IMMP2L: variants seen among roughly 807,000 people sequenced by gnomAD.
IMMP2L encodes inner mitochondrial membrane peptidase subunit 2.
A neutral mutation model predicts 19.3 loss-of-function variants in IMMP2L; 18 were observed. The ratio of observed to expected loss-of-function variants is 0.93; its 90% CI spans 0.64 to 1.38. IMMP2L has a LOEUF of 1.38. Ranked by LOEUF, IMMP2L falls within the 40% of genes most tolerant of loss-of-function variation. The probability of loss-of-function intolerance (pLI) is 0.00; values close to 1 mark genes in which losing one functional copy is unlikely to be tolerated. For synonymous variants in IMMP2L, 76 were observed against 73.0 expected, an observed-to-expected ratio of 1.04 and a Z score of -0.21; for missense variants, 233 against 218.2, an observed-to-expected ratio of 1.07 and a Z score of -0.43.
intron 2 of IMMP2L, among the ~76,000 whole-genome samples, chr7:111,515,665 C>A (rs1422674132): frequency 6.6e-6 from 1 of 152,198 alleles, no homozygotes; most frequent in Non-Finnish European, 1.5e-5. Context: ...GAGTTTTGCA[C>A]TGGGAATATT....
At chr7:111,084,864 G>A (rs1157580472) in intron 3 of IMMP2L, among the ~76,000 whole-genome samples, 1 of 152,180 alleles carries the variant, frequency 6.6e-6, no homozygotes, top group East Asian at 1.9e-4. Flanking sequence ...AACTTAATGT[G>A]AGGAGAACAG....
chr7:111,501,082 T>A (rs1247911787), intron 2 of IMMP2L, among the ~76,000 whole-genome samples: 1 of 151,682 alleles, frequency 6.6e-6, no homozygotes, highest in Non-Finnish European at 1.5e-5. Flanking sequence ...TGAAAAAAAA[T>A]TAGACGAATG....
chr7:110,686,652 C>G (rs571140576), intron 5 of IMMP2L, among the ~76,000 whole-genome samples: 2 of 152,028 alleles, frequency 1.3e-5, no homozygotes, highest in Non-Finnish European at 2.9e-5. Context: ...AGAGTTCTGT[C>G]TTTGCTTCAC....
At chr7:111,290,747 T>G (rs2129650887) in intron 3 of IMMP2L, among the ~76,000 whole-genome samples, 1 of 151,944 alleles carries the variant, frequency 6.6e-6, no homozygotes, top group Admixed American at 6.6e-5. Flanking sequence ...TTTTTGTGCT[T>G]CATGTTTTCT....
chr7:110,890,987 A>T (rs1473426649), intron 4 of IMMP2L, among the ~76,000 whole-genome samples: 2 of 151,864 alleles, frequency 1.3e-5, no homozygotes, highest in Non-Finnish European at 2.9e-5. Flanking sequence ...ACACACACAC[A>T]CTCTTAAGTA....
intron 4 of IMMP2L, among the ~76,000 whole-genome samples, chr7:110,907,574 C>G (rs1000958939): frequency 6.6e-6 from 1 of 152,068 alleles, no homozygotes; most frequent in Admixed American, 6.5e-5. Flanking sequence ...TAAGTTCTCA[C>G]TTTGGGCTGT....
intron 3 of IMMP2L, among the ~76,000 whole-genome samples, chr7:111,108,814 T>C (rs1405777631): frequency 1.3e-5 from 2 of 152,160 alleles, no homozygotes; most frequent in African/African-American, 2.4e-5. Flanking sequence ...GAGTACCTCG[T>C]ACAGCAAATT....
intron 3 of IMMP2L, among the ~76,000 whole-genome samples, chr7:111,311,057 T>A (rs1823462823): frequency 6.6e-6 from 1 of 152,148 alleles, no homozygotes; most frequent in Admixed American, 6.6e-5. Context: ...TGCTTTTGAT[T>A]TGCTCTCCTG....
intron 3 of IMMP2L, among the ~76,000 whole-genome samples, chr7:111,331,071 T>C (rs1174304958): frequency 6.6e-6 from 1 of 151,940 alleles, no homozygotes; most frequent in Non-Finnish European, 1.5e-5. Flanking sequence ...GCAATCCCAC[T>C]TCTGGGTGTT....
chr7:110,680,958 C>T (rs1393510715), intron 5 of IMMP2L, among the ~76,000 whole-genome samples: 2 of 152,042 alleles, frequency 1.3e-5, no homozygotes, highest in South Asian at 2.1e-4. Flanking sequence ...GTGTTCCTAG[C>T]TGTGAAATTC....
chr7:110,748,505 A>C (rs1442307351), intron 5 of IMMP2L, among the ~76,000 whole-genome samples: 1 of 152,226 alleles, frequency 6.6e-6, no homozygotes, highest in Admixed American at 6.5e-5. Context: ...ACTACATTAC[A>C]AGGCTACAGT....
At chr7:110,695,328 A>G (rs1377864107) in intron 5 of IMMP2L, among the ~76,000 whole-genome samples, 5 of 151,954 alleles carry the variant, frequency 3.3e-5, no homozygotes, top group South Asian at 4.2e-4. Context: ...AGTGGCTGGG[A>G]TCATATGTGA....
intron 4 of IMMP2L, among the ~76,000 whole-genome samples, chr7:110,910,018 GA>G (rs1415765595): frequency 2.6e-5 from 4 of 151,590 alleles, no homozygotes; most frequent in Admixed American, 2.6e-4. Flanking sequence ...TTGACTAATG[GA>G]ACTTTTAAGT....
At chr7:111,539,206 GAAAGAAAGAA>G (rs1563330833) in intron 1 of IMMP2L, among the ~76,000 whole-genome samples, 981 of 41,186 alleles carry the variant, frequency 0.024, 68 homozygotes, top group South Asian at 0.044. Flanking sequence ...GAGAAAGAAA[GAAAGAAAGAA>G]AGAAAGAAAG....
At chr7:111,102,605 G>A (rs1161751674) in intron 3 of IMMP2L, among the ~76,000 whole-genome samples, 2 of 151,528 alleles carry the variant, frequency 1.3e-5, no homozygotes, top group Admixed American at 6.6e-5. Flanking sequence ...ATAAAAGAGA[G>A]AGAGAAAAAT....
At chr7:111,188,371 G>T (rs1406747734) in intron 3 of IMMP2L, among the ~76,000 whole-genome samples, 1 of 152,046 alleles carries the variant, frequency 6.6e-6, no homozygotes, top group Non-Finnish European at 1.5e-5. Context: ...TTCTGGTGAG[G>T]GCTCTCTTCC....
At chr7:111,446,408 C>T (rs1024658687) in intron 3 of IMMP2L, among the ~76,000 whole-genome samples, 14 of 148,638 alleles carry the variant, frequency 9.4e-5, no homozygotes, top group South Asian at 6.3e-4. Flanking sequence ...CCCTGACCCC[C>T]GAGCAGCCTA....
intron 3 of IMMP2L, among the ~76,000 whole-genome samples, chr7:111,026,942 G>A (rs190748196): frequency 4.6e-5 from 7 of 152,120 alleles, no homozygotes; most frequent in East Asian, 3.9e-4. Context: ...TACAAAAGAC[G>A]TAAATAAAAC....
At chr7:111,280,502 A>T (rs1819568666) in intron 3 of IMMP2L, among the ~76,000 whole-genome samples, 1 of 152,202 alleles carries the variant, frequency 6.6e-6, no homozygotes, top group Non-Finnish European at 1.5e-5. Flanking sequence ...AAGGAGGCAG[A>T]AACTTTGTCC....
Sources: gnomAD v4.1 joint callset for allele counts (sites outside exome capture counted in the v4.1 genomes callset) on GRCh38, gnomAD v4.1.1 for gene constraint, MANE v1.5 for transcripts, NCBI Gene and HGNC (gene_info 2026-07-23, HGNC 2026-07-21) for gene names.